The following GGNBP2 variants were observed in gnomAD, a reference collection of about 807,000 sequenced individuals.
The protein encoded by GGNBP2 is gametogenetin binding protein 2.
A neutral mutation model predicts 85.9 loss-of-function variants in GGNBP2; 10 were observed. The ratio of observed to expected loss-of-function variants is 0.12; its 90% CI spans 0.07 to 0.20. The LOEUF (loss-of-function observed/expected upper bound fraction) is 0.20. Among genes scored for constraint, GGNBP2 ranks in the 10% least tolerant of loss-of-function variants. GGNBP2 has a pLI of 1.00. For synonymous variants in GGNBP2, 287 were observed against 285.7 expected (o/e 1.00, Z -0.05); for missense variants, 595 against 857.8 (o/e 0.69, Z 3.83).
intron 2 of GGNBP2, among the ~76,000 whole-genome samples, chr17:36,553,625 AG>A (rs1198133016): frequency 3.3e-5 from 5 of 152,142 alleles, no homozygotes; most frequent in Admixed American, 6.5e-5. Flanking sequence ...TTGATTTTGT[AG>A]GAGTTTGTGG....
At position 36,554,308 on chromosome 17, in the gene GGNBP2, C is replaced by CAAA. The variant is rs34134532; in HGVS notation, c.94-495_94-493dup. 5.4e-4 allele frequency among the ~76,000 whole-genome samples: 32 copies of CAAA among 59,332 alleles called. 2 individuals carry two copies. Among genetic ancestry groups the CAAA allele is most frequent in the East Asian group, 4.9e-3 (8 of 1,638 alleles). 38.9% of individuals were successfully genotyped at this position (59,332 alleles called of 152,430 possible). The stretch of plus-strand genomic sequence containing the variant: ...TAGGTGACGGAGCAAGACTCCGTCT[C>CAAA]AAAAAAAAAAAAAAAAAAATGGAAA... On this transcript the variant is annotated intron_variant, in intron 2 of 13. Transcript: ENST00000613102.
chr17:36,563,465 C>T (rs571491289), intron 5 of GGNBP2, among the ~76,000 whole-genome samples: 1 of 152,180 alleles, frequency 6.6e-6, no homozygotes, highest in African/African-American at 2.4e-5. Context: ...TACTCTATTG[C>T]ATCCTTCCAC....
At chr17:36,569,054 A>G (rs2074496763) in intron 6 of GGNBP2, among the ~76,000 whole-genome samples, 1 of 151,908 alleles carries the variant, frequency 6.6e-6, no homozygotes, top group South Asian at 2.1e-4. Flanking sequence ...TGCCTGGCCT[A>G]CAAAGGAATC....
In GGNBP2 at chr17:36,569,349, T is replaced by C. The variant is rs961268574; in HGVS notation, c.641+1573T>C. ...ATTGCTTGAAACCAGGAGGTAGAGG[T>C]TGCAGTGAGCCAGGATCGTGCCACT... On this transcript the variant is annotated intron_variant, in intron 6 of 13. Coordinates refer to ENST00000613102, the MANE Select transcript of GGNBP2 (RefSeq NM_024835.5). Among the ~76,000 whole-genome samples the C allele has an allele frequency of 1.1e-4, 16 of 152,048 alleles. 1 individual carries two copies. The highest frequency in any genetic ancestry group is 9.8e-4 in the Admixed American group (15 of 15,256).
At chr17:36,548,202 A>G (rs900364492) in intron 2 of GGNBP2, among the ~76,000 whole-genome samples, 1 of 152,242 alleles carries the variant, frequency 6.6e-6, no homozygotes, top group African/African-American at 2.4e-5. Context: ...TATAGTTACA[A>G]TGTTTACAGG....
At chr17:36,580,859 C>A (rs1599546385) in intron 8 of GGNBP2, among the ~76,000 whole-genome samples, 1 of 151,138 alleles carries the variant, frequency 6.6e-6, no homozygotes, top group East Asian at 2.0e-4. Context: ...GTAGAGGTTG[C>A]AGTGAACTGA....
chr17:36,589,347 G>C lies in GGNBP2; in HGVS notation c.2030G>C (p.Cys677Ser), dbSNP rs745679412. ...CTGAAGGAGAAATTTAATAAATACT[G>C]CCGGTTAAATGATCACAAGAGGCCC... The part of the protein sequence containing the change: ...QHLKEKFNKY[C>S]RLNDHKRPIC... The change falls in exon 14 of 14, where the codon TGC becomes TCC. Residue 677 changes from cysteine to serine, a missense_variant. Cys to Ser is a moderately radical substitution (Grantham distance 112). Transcript: ENST00000613102. 1 of 1,614,012 alleles carries C rather than the reference G, an allele frequency of 6.2e-7. No homozygotes were observed. Among genetic ancestry groups the C allele is most frequent in the South Asian group, 1.1e-5 (1 of 91,088 alleles).
intron 6 of GGNBP2, chr17:36,575,222 C>A: frequency 1.6e-6 from 1 of 641,024 alleles, no homozygotes; most frequent in South Asian, 1.6e-5. Context: ...GCCTCAGCCC[C>A]AGCCCCGGCC....
intron 4 of GGNBP2, among the ~76,000 whole-genome samples, chr17:36,559,198 C>A (rs1443394643): frequency 8.2e-6 from 1 of 121,842 alleles, no homozygotes; most frequent in Non-Finnish European, 1.9e-5. Flanking sequence ...ACTCAGGAGG[C>A]TGAGACGGGA....
At chr17:36,562,996 T>C (rs1198498249) in intron 5 of GGNBP2, among the ~76,000 whole-genome samples, 3 of 128,072 alleles carry the variant, frequency 2.3e-5, no homozygotes, top group African/African-American at 9.4e-5. Flanking sequence ...CTGGGCGTGG[T>C]GGCTCACGCC....
intron 4 of GGNBP2, among the ~76,000 whole-genome samples, chr17:36,559,156 G>A (rs1402609020): frequency 6.6e-6 from 1 of 151,344 alleles, no homozygotes; most frequent in Middle Eastern, 3.4e-3. Context: ...AAAATTAGCC[G>A]GGCGTGGTGG....
intron 2 of GGNBP2, among the ~76,000 whole-genome samples, chr17:36,548,127 G>A (rs1327873982): frequency 6.6e-6 from 1 of 152,186 alleles, no homozygotes; most frequent in East Asian, 1.9e-4. Flanking sequence ...ATGCACTGAG[G>A]AAACATTGTT....
chr17:36,585,273 A>ACG, intron 9 of GGNBP2, 27 bp from the exon 10 acceptor site: 1 of 1,595,218 alleles, frequency 6.3e-7, no homozygotes, highest in Non-Finnish European at 8.5e-7. Flanking sequence ...AAAGCTCTTG[A>ACG]CTCTCTCTTA....
intron 3 of GGNBP2, among the ~76,000 whole-genome samples, chr17:36,556,432 G>A (rs1244125892): frequency 2.6e-5 from 4 of 152,186 alleles, no homozygotes; most frequent in Admixed American, 6.6e-5. Flanking sequence ...CAGGCCAGGC[G>A]TGGTGGCTCA....
At chr17:36,552,696 C>T (rs2074321950) in intron 2 of GGNBP2, among the ~76,000 whole-genome samples, 1 of 152,088 alleles carries the variant, frequency 6.6e-6, no homozygotes, top group African/African-American at 2.4e-5. Flanking sequence ...CATCTGTATG[C>T]ATGGAAGAAA....
intron 2 of GGNBP2, among the ~76,000 whole-genome samples, chr17:36,552,026 A>G (rs1473510778): frequency 6.6e-6 from 1 of 152,212 alleles, no homozygotes; most frequent in Non-Finnish European, 1.5e-5. Context: ...TTAAATTGAT[A>G]GCTTTGATCT....
At chr17:36,580,368 C>T (rs1259822033) in intron 8 of GGNBP2, among the ~76,000 whole-genome samples, 3 of 151,370 alleles carry the variant, frequency 2.0e-5, no homozygotes, top group African/African-American at 7.3e-5. Context: ...CCACCACGCT[C>T]GGCTAATTTT....
intron 6 of GGNBP2, among the ~76,000 whole-genome samples, chr17:36,569,012 C>T (rs1032509040): frequency 6.6e-6 from 1 of 152,068 alleles, no homozygotes; most frequent in African/African-American, 2.4e-5. Context: ...CTCAGCCTCC[C>T]GAAGTGCTGG....
intron 1 of GGNBP2, chr17:36,545,408 C>T (rs1043430315): frequency 6.0e-6 from 1 of 166,082 alleles, no homozygotes; most frequent in African/African-American, 1.8e-4. Flanking sequence ...GGCCGGCGGG[C>T]GGGCGGGCGG....
Sources: gnomAD v4.1 joint callset for allele counts (sites outside exome capture counted in the v4.1 genomes callset) on GRCh38, gnomAD v4.1.1 for gene constraint, MANE v1.5 for transcripts, NCBI Gene and HGNC (gene_info 2026-07-23, HGNC 2026-07-21) for gene names.